The following CAPN11 variants were observed in gnomAD, a reference collection of about 807,000 sequenced individuals.
CAPN11 encodes calpain-11.
Under a neutral mutation model 105.3 loss-of-function variants are expected in CAPN11, and 108 were observed. That is an observed-to-expected ratio of 1.03 (90% CI 0.88 to 1.20). CAPN11 has a LOEUF of 1.20. CAPN11 is among the 50% of genes most tolerant of loss of function. The probability of loss-of-function intolerance (pLI) is 0.00; values close to 1 mark genes in which losing one functional copy is unlikely to be tolerated. For synonymous variants in CAPN11, 329 were observed against 344.5 expected, an observed-to-expected ratio of 0.96 and a Z score of 0.50; for missense variants, 883 against 924.8, an observed-to-expected ratio of 0.95 and a Z score of 0.59.
intron 11 of CAPN11, 92 bp downstream of exon 11, chr6:44,177,090 G>C: frequency 6.6e-7 from 1 of 1,509,904 alleles, no homozygotes; most frequent in Non-Finnish European, 9.0e-7. Context: ...CGAGTCACCG[G>C]AGTCAGGGTC....
At chr6:44,168,418 C>A (rs1302090049) in intron 2 of CAPN11, among the ~76,000 whole-genome samples, 1 of 149,570 alleles carries the variant, frequency 6.7e-6, no homozygotes, top group African/African-American at 2.5e-5. Context: ...TACAGGCGCC[C>A]GCCACCACGC....
chr6:44,176,665 G>T lies in CAPN11; in HGVS notation c.1076+10G>T, dbSNP rs749640209. On this transcript the variant is annotated intron_variant, in intron 10 of 22. Coordinates refer to ENST00000398776, the MANE Select transcript of CAPN11 (RefSeq NM_007058.4). ...AGGACGGGGAGTTCTGGTCAGTGTG[G>T]CTTGGGGTGGGCTTCTTACCACCAC... 1.9e-6 allele frequency: 3 copies of T among 1,587,640 alleles called. No individual in the cohort carries two copies. Among genetic ancestry groups the T allele is most frequent in the East Asian group, 4.5e-5 (2 of 44,534 alleles).
intron 7 of CAPN11, among the ~76,000 whole-genome samples, chr6:44,174,983 T>C (rs1771713942): frequency 6.6e-6 from 1 of 151,784 alleles, no homozygotes; most frequent in Admixed American, 6.6e-5. Context: ...GTTGCCAAGG[T>C]TTAGGGAGGT....
chr6:44,162,663 T>C (rs1355643711), intron 1 of CAPN11, among the ~76,000 whole-genome samples: 2 of 152,078 alleles, frequency 1.3e-5, no homozygotes, highest in Non-Finnish European at 2.9e-5. Flanking sequence ...GGGATAGTCA[T>C]TCCCCCACAG....
chr6:44,160,331 G>A (rs1410277786), intron 1 of CAPN11, among the ~76,000 whole-genome samples: 1 of 151,642 alleles, frequency 6.6e-6, no homozygotes, highest in Non-Finnish European at 1.5e-5. Context: ...AGTTAAAAAC[G>A]ATCTGGCCGG....
chr6:44,162,331 C>T (rs768152305), intron 1 of CAPN11, among the ~76,000 whole-genome samples: 5 of 151,468 alleles, frequency 3.3e-5, no homozygotes, highest in South Asian at 2.1e-4. Context: ...TGTTTAACCC[C>T]GCCCCCGCAG....
chr6:44,175,976 C>A (rs189420516), intron 7 of CAPN11, 92 bp from the exon 8 acceptor site: 10 of 721,638 alleles, frequency 1.4e-5, no homozygotes, highest in African/African-American at 1.1e-4. Flanking sequence ...AAAAAATTAA[C>A]CTGGAGAGCT....
intron 2 of CAPN11, among the ~76,000 whole-genome samples, chr6:44,168,675 T>C (rs1296911233): frequency 6.6e-6 from 1 of 151,802 alleles, no homozygotes; most frequent in East Asian, 1.9e-4. Flanking sequence ...CAGGCTGGAG[T>C]GCAGTGGCAT....
chr6:44,169,258 T>G (rs1177232585), intron 2 of CAPN11, 23 bp from the exon 3 acceptor site: 1 of 1,587,920 alleles, frequency 6.3e-7, no homozygotes, highest in Admixed American at 1.8e-5. Flanking sequence ...CTTGCGTTAT[T>G]TCTCTTTTTT....
intron 21 of CAPN11, 109 bp from the exon 22 acceptor site, chr6:44,183,596 G>A: frequency 2.0e-6 from 2 of 995,902 alleles, no homozygotes; most frequent in South Asian, 1.4e-5. Context: ...TTTATGTGGG[G>A]AACAGCCAGG....
rs1425405477 is a variant in CAPN11, at chr6:44,166,770, C to T, written c.29C>T (p.Pro10Leu). The T allele has an allele frequency of 3.2e-6, 5 of 1,551,742 alleles. No individual in the cohort carries two copies. The highest frequency in any genetic ancestry group is 1.4e-5 in the African/African-American group (1 of 73,014). Reference sequence around the variant, plus strand: ...TTTCTTATTCTAGGGCCGAGTCTTCCGGAGTCAGCAGAGAGCCTGGATGGA... The same window carrying T: ...TTTCTTATTCTAGGGCCGAGTCTTCTGGAGTCAGCAGAGAGCCTGGATGGA... MLYSPGPSL[P>L]ESAESLDGSQ... Residue 10 changes from proline (P) to leucine (L), a missense_variant, in exon 2 of 23, where the codon CCG (proline) becomes CTG (leucine). Coordinates refer to ENST00000398776, the MANE Select transcript of CAPN11 (RefSeq NM_007058.4).
At chr6:44,170,197 T>C (rs1385353559) in intron 4 of CAPN11, among the ~76,000 whole-genome samples, 1 of 152,196 alleles carries the variant, frequency 6.6e-6, no homozygotes, top group African/African-American at 2.4e-5. Flanking sequence ...AGCCTGGGTC[T>C]TGCGGGGGGA....
intron 7 of CAPN11, among the ~76,000 whole-genome samples, chr6:44,175,795 A>G (rs570274929): frequency 1.3e-5 from 1 of 79,060 alleles, no homozygotes; most frequent in East Asian, 2.8e-4. Flanking sequence ...AAATAATAAT[A>G]ATAATTTTTA....
At chr6:44,174,755 G>A (rs1699408606) in intron 7 of CAPN11, among the ~76,000 whole-genome samples, 1 of 151,680 alleles carries the variant, frequency 6.6e-6, no homozygotes, top group Non-Finnish European at 1.5e-5. Context: ...GAGTAGCTGG[G>A]ATTGCAGGCA....
chr6:44,165,281 T>C (rs1199400449), intron 1 of CAPN11, among the ~76,000 whole-genome samples: 1 of 152,188 alleles, frequency 6.6e-6, no homozygotes, highest in Non-Finnish European at 1.5e-5. Flanking sequence ...GAATCATTCT[T>C]TTGGCCTAGA....
Position 44,176,643 on chromosome 6 carries a change from A to G in CAPN11, c.1064A>G (p.Asp355Gly). The change falls in exon 10 of 23, where the codon GAC becomes GGC. Residue 355 changes from aspartate to glycine, a missense_variant. Physicochemically the swap from Asp to Gly is moderately conservative, Grantham distance 94 (BLOSUM62 -1). Transcript: ENST00000398776. ...ATGCAGCTGCTGCACAAGACGGAGGACGGGGAGTTCTGGTCAGTGTGGCTT... is the reference window on the plus strand; with the variant it reads ...ATGCAGCTGCTGCACAAGACGGAGGGCGGGGAGTTCTGGTCAGTGTGGCTT... The part of the protein sequence containing the change: ...IQMQLLHKTE[D>G]GEFWMSYQDF... The G allele has an allele frequency of 6.2e-7, 1 of 1,604,130 alleles. No individual in the cohort carries two copies. Among genetic ancestry groups the G allele is most frequent in the Non-Finnish European group, 8.5e-7 (1 of 1,174,030 alleles).
In CAPN11 at chr6:44,162,153, C is replaced by G. The variant is rs1253796249; in HGVS notation, c.16+3289C>G. Among the ~76,000 whole-genome samples, 4 of 152,036 alleles carry G rather than the reference C, an allele frequency of 2.6e-5. No individual in the cohort carries two copies. In the East Asian group the frequency reaches 7.7e-4, roughly 29 times the overall value. ...GGGTTGAGAACTTCTGACTCAATCT[C>G]TCTGTGGAGGCCCTGGCTTCCACCC... On this transcript the variant is annotated intron_variant, in intron 1 of 22. Coordinates refer to ENST00000398776, the MANE Select transcript of CAPN11 (RefSeq NM_007058.4).
rs1387164429 is a variant in CAPN11 at position 44,182,284 on chromosome 6, A to ACC, written c.1939-656_1939-655dup. On this transcript the variant is annotated intron_variant, in intron 19 of 22. Coordinates refer to ENST00000398776, the MANE Select transcript of CAPN11 (RefSeq NM_007058.4). ...CACACACACATACAGACACAACCAC[A>ACC]CCACACACACACACACACACACACA... is the stretch of plus-strand genomic sequence containing the variant. 5.8e-5 allele frequency among the ~76,000 whole-genome samples: 5 copies of ACC among 86,498 alleles called. 1 individual carries two copies. The Admixed American group carries it at 6.4e-4, about 11-fold the overall frequency. The allele number at this position is 86,498 out of a possible 152,430, so 56.7% of individuals were successfully genotyped here.
At chr6:44,162,232 G>A (rs1385054022) in intron 1 of CAPN11, among the ~76,000 whole-genome samples, 1 of 151,960 alleles carries the variant, frequency 6.6e-6, no homozygotes, top group African/African-American at 2.4e-5. Context: ...TAGGGATCAG[G>A]GGCTGAAACA....
Sources: allele counts gnomAD v4.1 joint callset (sites outside exome capture counted in the v4.1 genomes callset), GRCh38; gene constraint gnomAD v4.1.1; transcripts MANE v1.5; gene names NCBI Gene and HGNC (gene_info 2026-07-23, HGNC 2026-07-21).